The following LARP4B variants were observed in gnomAD, a reference collection of about 807,000 sequenced individuals.
The protein encoded by LARP4B is la-related protein 4B.
A neutral mutation model predicts 89.8 loss-of-function variants in LARP4B; 12 were observed. The ratio of observed to expected loss-of-function variants is 0.13; its 90% CI spans 0.09 to 0.22. The LOEUF (loss-of-function observed/expected upper bound fraction) is 0.22. Among genes scored for constraint, LARP4B ranks in the 10% least tolerant of loss-of-function variants. The pLI is 1.00. For missense variants in LARP4B, 757 were observed against 947.7 expected, an observed-to-expected ratio of 0.80 and a Z score of 2.64; for synonymous variants, 367 against 363.3, an observed-to-expected ratio of 1.01 and a Z score of -0.12.
the LARP4B span, chr10:972,788 C>T: frequency 6.6e-6 from 3 of 456,598 alleles, no homozygotes. Context: ...AAGATGCAGC[C>T]CCAGGTAGCC....
the LARP4B span, among the ~76,000 whole-genome samples, chr10:938,984 G>C: frequency 2.6e-5 from 4 of 152,238 alleles, no homozygotes; most frequent in Non-Finnish European, 5.9e-5. Context: ...TTGAAGCTGG[G>C]TGTGATGGGT....
At chr10:963,806 G>A in the LARP4B span, among the ~76,000 whole-genome samples, 3 of 152,196 alleles carry the variant, frequency 2.0e-5, no homozygotes, top group East Asian at 1.9e-4. Context: ...TCAGTCACAC[G>A]GCAAGAGAGA....
intron 3 of LARP4B, among the ~76,000 whole-genome samples, chr10:882,244 C>A (rs1005172375): frequency 6.6e-6 from 1 of 151,550 alleles, no homozygotes; most frequent in African/African-American, 2.4e-5. Flanking sequence ...GTAAATTATA[C>A]TTTAATAAAG....
chr10:894,727 A>G (rs1836136245), intron 1 of LARP4B, among the ~76,000 whole-genome samples: 1 of 152,228 alleles, frequency 6.6e-6, no homozygotes, highest in South Asian at 2.1e-4. Flanking sequence ...GAATAAAGAT[A>G]TATGTCTGGA....
At chr10:899,697 T>C (rs138108792) in intron 1 of LARP4B, among the ~76,000 whole-genome samples, 28 of 152,344 alleles carry the variant, frequency 1.8e-4, no homozygotes, top group African/African-American at 6.0e-4. Context: ...GGATGACGCA[T>C]GAACAGAGAT....
intron 5 of LARP4B, among the ~76,000 whole-genome samples, chr10:852,353 C>T (rs1404333610): frequency 2.0e-5 from 3 of 152,176 alleles, no homozygotes; most frequent in Admixed American, 6.5e-5. Context: ...ATTTGAAAAA[C>T]AATTAATACA....
At chr10:914,186 C>T (rs1040241579) in intron 1 of LARP4B, among the ~76,000 whole-genome samples, 2 of 152,042 alleles carry the variant, frequency 1.3e-5, no homozygotes, top group Non-Finnish European at 2.9e-5. Context: ...AAAATTACTT[C>T]CTGGGTTTTT....
At chr10:918,488 A>C (rs12413449) in intron 1 of LARP4B, among the ~76,000 whole-genome samples, 109 of 151,914 alleles carry the variant, frequency 7.2e-4, no homozygotes, top group African/African-American at 2.5e-3. Context: ...ACAAAAATTA[A>C]CCAGGTGTGG....
At chr10:831,952 C>A (rs899420972) in intron 8 of LARP4B, among the ~76,000 whole-genome samples, 2 of 152,150 alleles carry the variant, frequency 1.3e-5, no homozygotes, top group Non-Finnish European at 2.9e-5. Flanking sequence ...ATACACATAA[C>A]ACATTTACTG....
intron 1 of LARP4B, among the ~76,000 whole-genome samples, chr10:901,337 A>G (rs1293841852): frequency 1.3e-5 from 2 of 152,232 alleles, no homozygotes; most frequent in African/African-American, 4.8e-5. Context: ...TTGTGCTGTT[A>G]GTTGGATGAT....
At position 811,729 on chromosome 10, in the gene LARP4B, A is replaced by G. The variant is rs1053348766; in HGVS notation, c.*1197T>C. On this transcript the variant is annotated 3_prime_UTR_variant, in exon 18 of 18. Coordinates refer to ENST00000316157, the MANE Select transcript of LARP4B (RefSeq NM_015155.3). ...ATTTTGTGGAATAAAGTGTATGGTT[A>G]CATTTAGCAGGAAATATTCTTATTT... 1.2e-4 allele frequency: 18 copies of G among 152,688 alleles called. No homozygotes were observed. The highest frequency in any genetic ancestry group is 4.1e-4 in the African/African-American group (17 of 41,474). 9.5% of individuals were successfully genotyped at this position (152,688 alleles called of 1,614,324 possible).
At chr10:895,839 A>G (rs1022824846) in intron 1 of LARP4B, among the ~76,000 whole-genome samples, 9 of 152,216 alleles carry the variant, frequency 5.9e-5, no homozygotes, top group Non-Finnish European at 1.2e-4. Context: ...TAAAAACAAG[A>G]AACTAGAAGA....
At chr10:852,130 A>AT (rs1834087787) in intron 5 of LARP4B, among the ~76,000 whole-genome samples, 2 of 152,192 alleles carry the variant, frequency 1.3e-5, no homozygotes, top group Admixed American at 1.3e-4. Flanking sequence ...TCCTGCCCAC[A>AT]TGACTTGTTT....
At position 812,303 on chromosome 10, in the gene LARP4B, G is replaced by A. The variant is rs1831772290; in HGVS notation, c.*623C>T. On this transcript the variant is annotated 3_prime_UTR_variant, in exon 18 of 18. Transcript: ENST00000316157. ...GCAGTGCATCAGAACCAAGGTTTCT[G>A]GGGTGGCCCCTGCAGGTTCACTCCG... 6.6e-6 allele frequency: 1 copy of A among 152,658 alleles called. No homozygotes were observed. 9.5% of individuals were successfully genotyped at this position (152,658 alleles called of 1,614,324 possible).
the LARP4B span, among the ~76,000 whole-genome samples, chr10:957,937 C>T: frequency 6.6e-6 from 1 of 151,866 alleles, no homozygotes; most frequent in Non-Finnish European, 1.5e-5. Flanking sequence ...GCTGGGACCA[C>T]AAGTGTGCAC....
intron 1 of LARP4B, among the ~76,000 whole-genome samples, chr10:898,250 G>A (rs1475458256): frequency 3.9e-5 from 6 of 152,172 alleles, no homozygotes; most frequent in Non-Finnish European, 7.4e-5. Context: ...AGTGTGGCTA[G>A]TACATACAGA....
the LARP4B span, among the ~76,000 whole-genome samples, chr10:967,993 C>T: frequency 2.0e-5 from 3 of 152,206 alleles, no homozygotes; most frequent in Admixed American, 1.3e-4. Context: ...GGAGCCACCG[C>T]GCCCGGCCCT....
chr10:958,266 T>C, the LARP4B span, among the ~76,000 whole-genome samples: 1 of 152,184 alleles, frequency 6.6e-6, no homozygotes, highest in African/African-American at 2.4e-5. Flanking sequence ...GCTGGGTGCT[T>C]GCAAACCTGC....
In LARP4B at chr10:909,219, G is replaced by A. The variant is rs1472963530; in HGVS notation, c.-40+22209C>T. ...TGAGGCAGGAGAATGGCGTGAACCCGGGAGGTGGAGCTTGCGGTGAGCCGA... is the reference window on the plus strand; with the variant it reads ...TGAGGCAGGAGAATGGCGTGAACCCAGGAGGTGGAGCTTGCGGTGAGCCGA... On this transcript the variant is annotated intron_variant, in intron 1 of 17. Transcript: ENST00000316157. Among the ~76,000 whole-genome samples the A allele has an allele frequency of 4.6e-5, 7 of 151,264 alleles. No individual in the cohort carries two copies. In the South Asian group the frequency reaches 6.3e-4, roughly 14 times the overall value.
Sources: gnomAD v4.1 joint callset for allele counts (sites outside exome capture counted in the v4.1 genomes callset) on GRCh38, gnomAD v4.1.1 for gene constraint, MANE v1.5 for transcripts, NCBI Gene and HGNC (gene_info 2026-07-23, HGNC 2026-07-21) for gene names.